The following ABTB2 variants were observed in gnomAD, a reference collection of about 807,000 sequenced individuals.
The protein encoded by ABTB2 is ankyrin repeat and BTB domain containing 2, also known as ankyrin repeat and BTB/POZ domain-containing protein 2.
A neutral mutation model predicts 104.1 loss-of-function variants in ABTB2; 56 were observed. The observed-to-expected ratio is 0.54, with a 90% CI of 0.43 to 0.67. ABTB2 has a LOEUF of 0.67. Among genes scored for constraint, ABTB2 ranks in the 30% least tolerant of loss-of-function variants. ABTB2 has a pLI of 0.00. For missense variants in ABTB2, 1,279 were observed against 1,407.7 expected (o/e 0.91, Z 1.46); for synonymous variants, 606 against 608.2 (o/e 1.00, Z 0.05).
intron 1 of ABTB2, among the ~76,000 whole-genome samples, chr11:34,235,131 G>A (rs1286831874): frequency 2.0e-5 from 3 of 152,114 alleles, no homozygotes; most frequent in African/African-American, 7.2e-5. Context: ...AAAGTGCTGG[G>A]ATTACAGGCG....
intron 3 of ABTB2, among the ~76,000 whole-genome samples, chr11:34,189,428 C>T (rs889279093): frequency 6.6e-6 from 1 of 152,146 alleles, no homozygotes; most frequent in African/African-American, 2.4e-5. Flanking sequence ...CGGCGAAACC[C>T]CATTTCTACA....
intron 1 of ABTB2, among the ~76,000 whole-genome samples, chr11:34,236,886 CTA>C (rs1490616819): frequency 1.1e-4 from 17 of 152,192 alleles, no homozygotes; most frequent in Non-Finnish European, 2.1e-4. Flanking sequence ...GATTCGGACT[CTA>C]TTTTGGCAGC....
chr11:34,321,847 C>T (rs1855008336), intron 1 of ABTB2, among the ~76,000 whole-genome samples: 2 of 152,346 alleles, frequency 1.3e-5, no homozygotes, highest in South Asian at 4.1e-4. Flanking sequence ...GCCTTGATGG[C>T]TTGAACTGGG....
At chr11:34,158,251 A>C (rs1852656612) in intron 14 of ABTB2, among the ~76,000 whole-genome samples, 2 of 152,134 alleles carry the variant, frequency 1.3e-5, no homozygotes, top group Non-Finnish European at 2.9e-5. Flanking sequence ...ATCTCTATTA[A>C]AAATACAAAA....
intron 1 of ABTB2, among the ~76,000 whole-genome samples, chr11:34,224,854 A>G (rs914911957): frequency 6.6e-6 from 1 of 152,228 alleles, no homozygotes; most frequent in Non-Finnish European, 1.5e-5. Context: ...GATTTGAGAT[A>G]GTGGTAATCT....
chr11:34,309,560 CA>C (rs1299375573), intron 1 of ABTB2, among the ~76,000 whole-genome samples: 5 of 152,054 alleles, frequency 3.3e-5, no homozygotes, highest in African/African-American at 1.2e-4. Context: ...AAAGTTCTTC[CA>C]AATCTCACTG....
At chr11:34,162,985 C>A (rs570698144) in intron 9 of ABTB2, among the ~76,000 whole-genome samples, 180 bp from the exon 10 acceptor site, 3 of 152,160 alleles carry the variant, frequency 2.0e-5, no homozygotes, top group Non-Finnish European at 4.4e-5. Context: ...TCCCCATATA[C>A]CTCTGAGAGG....
At chr11:34,160,402 G>A (rs911542099) in intron 11 of ABTB2, 49 bp from the exon 12 acceptor site, 16 of 1,342,586 alleles carry the variant, frequency 1.2e-5, no homozygotes, top group Non-Finnish European at 1.7e-5. Context: ...GTGGCTGGCT[G>A]TTCACAGATG....
At chr11:34,346,489 C>T (rs1406840761) in intron 1 of ABTB2, among the ~76,000 whole-genome samples, 1 of 152,144 alleles carries the variant, frequency 6.6e-6, no homozygotes, top group African/African-American at 2.4e-5. Flanking sequence ...ACCCTGAGTA[C>T]AGTAATCACA....
At chr11:34,345,675 C>T (rs1855322487) in intron 1 of ABTB2, among the ~76,000 whole-genome samples, 2 of 152,282 alleles carry the variant, frequency 1.3e-5, no homozygotes, top group Admixed American at 6.5e-5. Flanking sequence ...GGCCTTCTCA[C>T]CTGCTACTGA....
At chr11:34,247,922 A>G (rs1387665696) in intron 1 of ABTB2, among the ~76,000 whole-genome samples, 1 of 152,156 alleles carries the variant, frequency 6.6e-6, no homozygotes, top group East Asian at 1.9e-4. Flanking sequence ...TTGGGCATTT[A>G]TGTCTTAACT....
chr11:34,356,998 C>G lies in ABTB2; in HGVS notation c.586G>C (p.Gly196Arg). 1.3e-6 allele frequency: 2 copies of G among 1,579,104 alleles called. No homozygotes were observed. Among genetic ancestry groups the G allele is most frequent in the South Asian group, 1.2e-5 (1 of 86,930 alleles). Residue 196 changes from glycine (G) to arginine (R), a missense_variant, in exon 1 of 17, where the codon GGC (glycine) becomes CGC (arginine). Physicochemically the swap from Gly to Arg is moderately radical, Grantham distance 125 (BLOSUM62 -2). Coordinates refer to ENST00000435224, the MANE Select transcript of ABTB2 (RefSeq NM_145804.3). The surrounding 1 kb of genome is among the most constrained non-coding windows in gnomAD (Gnocchi z 4.6). ...SMSAGDGLRR[G>R]KSARCGLTFS... ...GTGAGGCCGCAGCGCGCGGACTTGC[C>G]CCGGCGCAGCCCGTCGCCGGCGCTC...
chr11:34,168,221 G>C (rs1852828551), intron 5 of ABTB2, among the ~76,000 whole-genome samples: 1 of 152,224 alleles, frequency 6.6e-6, no homozygotes, highest in Non-Finnish European at 1.5e-5. Flanking sequence ...GCCCAGCACA[G>C]GCCGTGCAGC....
intron 1 of ABTB2, among the ~76,000 whole-genome samples, chr11:34,341,753 C>T (rs374853940): frequency 1.4e-4 from 22 of 152,276 alleles, no homozygotes; most frequent in African/African-American, 5.1e-4. Context: ...TACAAAAACT[C>T]ATGAGTTCCC....
At chr11:34,168,911 C>T (rs1034070001) in intron 5 of ABTB2, among the ~76,000 whole-genome samples, 1 of 152,248 alleles carries the variant, frequency 6.6e-6, no homozygotes, top group Non-Finnish European at 1.5e-5. Context: ...AAGTGTTTGC[C>T]TGGTGTCCCG....
intron 1 of ABTB2, among the ~76,000 whole-genome samples, chr11:34,265,954 A>G (rs1419466122): frequency 1.3e-5 from 2 of 152,296 alleles, no homozygotes; most frequent in East Asian, 1.9e-4. Context: ...GGGAGAAAAG[A>G]GCAAAACTCC....
intron 5 of ABTB2, among the ~76,000 whole-genome samples, chr11:34,169,920 C>T (rs975160047): frequency 1.3e-5 from 2 of 152,218 alleles, no homozygotes; most frequent in African/African-American, 4.8e-5. Flanking sequence ...TCCACCCTGG[C>T]CTCACGGTCT....
At chr11:34,322,803 C>T (rs1855021772) in intron 1 of ABTB2, among the ~76,000 whole-genome samples, 1 of 152,066 alleles carries the variant, frequency 6.6e-6, no homozygotes, top group Admixed American at 6.6e-5. Context: ...CCCCACCCTC[C>T]CAGTAGCTGG....
At chr11:34,308,250 A>C (rs1854802431) in intron 1 of ABTB2, among the ~76,000 whole-genome samples, 1 of 152,186 alleles carries the variant, frequency 6.6e-6, no homozygotes, top group Non-Finnish European at 1.5e-5. Flanking sequence ...ACTATATGTA[A>C]ATTTCCAGCC....
Sources: allele counts gnomAD v4.1 joint callset (sites outside exome capture counted in the v4.1 genomes callset), GRCh38; gene constraint gnomAD v4.1.1; non-coding constraint Gnocchi (gnomAD v3.1); transcripts MANE v1.5; gene names NCBI Gene and HGNC (gene_info 2026-07-23, HGNC 2026-07-21).